The following VWA8 variants were observed in gnomAD, a reference collection of about 807,000 sequenced individuals.
The protein encoded by VWA8 is von Willebrand factor A domain-containing protein 8.
A neutral mutation model predicts 241.5 loss-of-function variants in VWA8; 221 were observed. The observed-to-expected ratio is 0.91, with a 90% CI of 0.82 to 1.02. The LOEUF is 1.02. Ranked by LOEUF, VWA8 falls within the 50% of genes least tolerant of loss-of-function variation. The probability of loss-of-function intolerance (pLI) is 0.00; values close to 1 mark genes in which losing one functional copy is unlikely to be tolerated. For synonymous variants in VWA8, 852 were observed against 827.1 expected, an observed-to-expected ratio of 1.03 and a Z score of -0.52; for missense variants, 2,322 against 2,328.7, an observed-to-expected ratio of 1.00 and a Z score of 0.06.
At chr13:41,755,933 T>G (rs1284584661) in intron 21 of VWA8, among the ~76,000 whole-genome samples, 2 of 151,588 alleles carry the variant, frequency 1.3e-5, no homozygotes. Context: ...GAACAACACG[T>G]GAAATCGAAC....
chr13:41,670,888 G>A, intron 37 of VWA8, 58 bp downstream of exon 37: 2 of 1,587,230 alleles, frequency 1.3e-6, no homozygotes, highest in Non-Finnish European at 1.7e-6. Flanking sequence ...GTGGCATCTG[G>A]AACTAAATTT....
At chr13:41,587,210 A>G (rs931041236) in intron 42 of VWA8, among the ~76,000 whole-genome samples, 1 of 152,078 alleles carries the variant, frequency 6.6e-6, no homozygotes, top group Non-Finnish European at 1.5e-5. Flanking sequence ...GTGGGTGGGT[A>G]TGGGGAACTG....
chr13:41,788,343 T>A (rs536382227), intron 17 of VWA8, among the ~76,000 whole-genome samples: 1 of 152,288 alleles, frequency 6.6e-6, no homozygotes, highest in Admixed American at 6.5e-5. Context: ...AAATCTTTGG[T>A]GGTGATTCCT....
intron 30 of VWA8, 111 bp downstream of exon 30, chr13:41,692,751 T>C (rs1332602728): frequency 1.4e-6 from 1 of 704,772 alleles, no homozygotes; most frequent in East Asian, 2.8e-5. Flanking sequence ...GAAATTCTCT[T>C]GTGCATTACA....
chr13:41,947,104 G>C (rs1049216538), intron 2 of VWA8, among the ~76,000 whole-genome samples: 23 of 152,130 alleles, frequency 1.5e-4, no homozygotes, highest in Admixed American at 9.8e-4. Context: ...ACTGTTCCTT[G>C]GCTATAAACT....
chr13:41,912,175 A>T lies in VWA8; in HGVS notation c.242-7T>A, dbSNP rs543469062. The T allele has an allele frequency of 6.3e-7, 1 of 1,576,600 alleles. No individual in the cohort carries two copies. Among genetic ancestry groups the T allele is most frequent in the East Asian group, 2.3e-5 (1 of 44,352 alleles). ...TGAGCCAGAGAGTCTGAAACTATAA[A>T]GAAAAAAGAGAAAATGAAGTGCAAA... On this transcript the variant is annotated splice_polypyrimidine_tract_variant and splice_region_variant and intron_variant, in intron 2 of 44. Transcript: ENST00000379310.
At chr13:41,884,463 T>C (rs1043971563) in intron 8 of VWA8, among the ~76,000 whole-genome samples, 1 of 152,156 alleles carries the variant, frequency 6.6e-6, no homozygotes, top group African/African-American at 2.4e-5. Context: ...ATTAAACCTC[T>C]TTTCTTTATA....
intron 24 of VWA8, among the ~76,000 whole-genome samples, chr13:41,725,017 T>C (rs1254660323): frequency 3.3e-5 from 5 of 152,080 alleles, no homozygotes; most frequent in Non-Finnish European, 5.9e-5. Flanking sequence ...TCTAACCACA[T>C]TCAGCTGCAC....
At chr13:41,815,117 A>C (rs1870633551) in intron 16 of VWA8, among the ~76,000 whole-genome samples, 1 of 152,214 alleles carries the variant, frequency 6.6e-6, no homozygotes. Flanking sequence ...AGGGAAGAAT[A>C]ATCTAGGTAG....
At chr13:41,698,965 T>C in intron 29 of VWA8, 106 bp downstream of exon 29, 2 of 1,494,332 alleles carry the variant, frequency 1.3e-6, no homozygotes, top group Non-Finnish European at 1.8e-6. Context: ...CTCCAGCTCC[T>C]CTCCTTGATC....
chr13:41,778,630 C>T (rs1868728243), intron 19 of VWA8, among the ~76,000 whole-genome samples: 1 of 151,814 alleles, frequency 6.6e-6, no homozygotes, highest in Admixed American at 6.6e-5. Context: ...AATAAGACAC[C>T]TGTAAGTAGG....
chr13:41,702,086 A>G (rs1426076427), intron 27 of VWA8, among the ~76,000 whole-genome samples: 1 of 152,250 alleles, frequency 6.6e-6, no homozygotes, highest in Non-Finnish European at 1.5e-5. Flanking sequence ...ACACATGGTG[A>G]TAATTATTCA....
At chr13:41,952,815 T>C (rs1177392906) in intron 1 of VWA8, among the ~76,000 whole-genome samples, 1 of 151,928 alleles carries the variant, frequency 6.6e-6, no homozygotes, top group Non-Finnish European at 1.5e-5. Context: ...ACTGAGTAAC[T>C]GAGGAGAGTA....
At chr13:41,688,096 G>A (rs908791262) in intron 34 of VWA8, among the ~76,000 whole-genome samples, 3 of 151,792 alleles carry the variant, frequency 2.0e-5, no homozygotes, top group Non-Finnish European at 4.4e-5. Flanking sequence ...TTCATATCAA[G>A]GCTGCTATAA....
intron 6 of VWA8, 112 bp from the exon 7 acceptor site, chr13:41,886,942 A>C: frequency 1.1e-6 from 1 of 927,134 alleles, no homozygotes; most frequent in East Asian, 2.8e-5. Flanking sequence ...CTAAATATTT[A>C]ACAGCAAAAA....
intron 2 of VWA8, among the ~76,000 whole-genome samples, chr13:41,937,257 C>T (rs1255263479): frequency 6.6e-6 from 1 of 152,110 alleles, no homozygotes; most frequent in Non-Finnish European, 1.5e-5. Flanking sequence ...ATTTATTGTG[C>T]ACTTTATTTC....
intron 12 of VWA8, among the ~76,000 whole-genome samples, chr13:41,849,806 G>C (rs1872451642): frequency 1.3e-5 from 2 of 152,046 alleles, no homozygotes; most frequent in Non-Finnish European, 2.9e-5. Context: ...AGAATCACTT[G>C]AACCTGGGTG....
chr13:41,699,030 G>A (rs1411354847), intron 29 of VWA8, 41 bp downstream of exon 29: 1 of 1,611,566 alleles, frequency 6.2e-7, no homozygotes. Flanking sequence ...TGCCTTTCAT[G>A]TAAGTCATTC....
intron 39 of VWA8, among the ~76,000 whole-genome samples, chr13:41,610,594 G>A (rs904677616): frequency 1.3e-5 from 2 of 152,222 alleles, no homozygotes; most frequent in Admixed American, 1.3e-4. Context: ...GCAGGATGTG[G>A]AAGCACAGCA....
Sources: gnomAD v4.1 joint callset for allele counts (sites outside exome capture counted in the v4.1 genomes callset) on GRCh38, gnomAD v4.1.1 for gene constraint, MANE v1.5 for transcripts, NCBI Gene and HGNC (gene_info 2026-07-23, HGNC 2026-07-21) for gene names.